MYL6: variants seen among roughly 807,000 people sequenced by gnomAD.
MYL6 encodes myosin light chain 6.
In MYL6, 20 loss-of-function variants were observed where a neutral mutation model predicts 20.3. That is an observed-to-expected ratio of 0.98 (90% CI 0.69 to 1.43). MYL6 has a LOEUF of 1.43. Ranked by LOEUF, MYL6 falls within the 40% of genes most tolerant of loss-of-function variation. The pLI is 0.00. For synonymous variants in MYL6, 77 were observed against 72.4 expected (o/e 1.06, Z -0.32); for missense variants, 164 against 191.0 (o/e 0.86, Z 0.83).
rs940595438 is a variant in MYL6, at chr12:56,160,847, G to A, written c.*16+177G>A. 26 of 675,638 alleles carry A rather than the reference G, an allele frequency of 3.8e-5. No homozygotes were observed. The Admixed American group carries it at 7.4e-4, about 19-fold the overall frequency. The allele number at this position is 675,638 out of a possible 1,614,324, so 41.9% of individuals were successfully genotyped here. ...CCTCAAAGAGGAAGACAACCTGGGGGTACAGTACCTCCTTACCTCTAGAAT... is the reference window on the plus strand; with the variant it reads ...CCTCAAAGAGGAAGACAACCTGGGGATACAGTACCTCCTTACCTCTAGAAT... On this transcript the variant is annotated intron_variant, in intron 6 of 6. Coordinates refer to ENST00000550697, the MANE Select transcript of MYL6 (RefSeq NM_021019.5).
At chr12:56,161,182 G>A in intron 6 of MYL6, 7 of 635,220 alleles carry the variant, frequency 1.1e-5, no homozygotes, top group South Asian at 1.1e-4. Flanking sequence ...AGGTTTGGGT[G>A]GGGGACTAAC....
At position 56,160,145 on chromosome 12, in the gene MYL6, C is replaced by A. The variant is rs1131230; in HGVS notation, c.346C>A (p.Leu116Met). Residue 116 changes from leucine to methionine, a missense_variant, in exon 4 of 7, where the codon CTG becomes ATG. Coordinates refer to ENST00000550697, the MANE Select transcript of MYL6 (RefSeq NM_021019.5). ...GAEIRHVLVT[L>M]GEKMTEEEVE... ...TGAAATCCGGCATGTTCTTGTCACA[C>A]TGGGTAAGGTTCTGTGTCCTTGTCC... 1 of 1,613,878 alleles carries A rather than the reference C, an allele frequency of 6.2e-7. No homozygotes were observed. The highest frequency in any genetic ancestry group is 1.7e-5 in the Admixed American group (1 of 59,994).
chr12:56,160,757 C>T (rs1871751512), intron 6 of MYL6, 87 bp downstream of exon 6: 2 of 1,405,912 alleles, frequency 1.4e-6, no homozygotes, highest in Non-Finnish European at 2.0e-6. Flanking sequence ...CTGCCCTTAC[C>T]CTACTACCAT....
intron 5 of MYL6, 102 bp downstream of exon 5, chr12:56,160,422 A>G (rs1871682990): frequency 6.5e-7 from 1 of 1,546,536 alleles, no homozygotes; most frequent in African/African-American, 1.4e-5. Flanking sequence ...CTCCAAAAAG[A>G]GCCAGGAGGC....
chr12:56,160,579 C>A, intron 5 of MYL6, 47 bp from the exon 6 acceptor site: 1 of 1,606,280 alleles, frequency 6.2e-7, no homozygotes, highest in South Asian at 1.1e-5. Context: ...CCCCTCACCC[C>A]ATGTCTTTGT....
In MYL6 at chr12:56,158,716, G is replaced by T. The variant is rs750166033; in HGVS notation, c.31+5G>T. 6.2e-7 allele frequency: 1 copy of T among 1,614,032 alleles called. No homozygotes were observed. The highest frequency in any genetic ancestry group is 1.1e-5 in the South Asian group (1 of 91,086). On this transcript the variant is annotated splice_donor_5th_base_variant and intron_variant, in intron 2 of 6. Transcript: ENST00000550697. Reference sequence around the variant, plus strand: ...TCACCGAAGACCAGACCGCAGGTAGGTTATCTCTGATCCCTACCGAGGTCA... The same window carrying T: ...TCACCGAAGACCAGACCGCAGGTAGTTTATCTCTGATCCCTACCGAGGTCA...
At chr12:56,160,560 A>C in intron 5 of MYL6, 66 bp from the exon 6 acceptor site, 1 of 1,557,410 alleles carries the variant, frequency 6.4e-7, no homozygotes, top group South Asian at 1.1e-5. Flanking sequence ...GTCTGTCCCC[A>C]CTGCCTGACC....
Position 56,158,390 on chromosome 12 carries a change from T to G in MYL6, c.-12T>G, listed in dbSNP as rs781202210. 16 of 1,521,924 alleles carry G rather than the reference T, an allele frequency of 1.1e-5. No individual in the cohort carries two copies. In the African/African-American group the frequency reaches 1.8e-4, roughly 17 times the overall value. 94.3% of individuals were successfully genotyped at this position (1,521,924 alleles called of 1,614,324 possible). The stretch of plus-strand genomic sequence containing the variant: ...ACTGCAGGAAAAGGTCCCGGAGAGC[T>G]GAGCAGTCAAGATGGTGGGGCCCAG... On this transcript the variant is annotated 5_prime_UTR_variant, in exon 1 of 7. Coordinates refer to ENST00000550697, the MANE Select transcript of MYL6 (RefSeq NM_021019.5).
chr12:56,159,608 T>C lies in MYL6; in HGVS notation c.53T>C (p.Leu18Pro), dbSNP rs781738324. The change falls in exon 3 of 7, where the codon CTG (leucine) becomes CCG (proline). Residue 18 changes from leucine (L) to proline (P), a missense_variant. Physicochemically the swap from Leu to Pro is moderately conservative, Grantham distance 98 (BLOSUM62 -3). Coordinates refer to ENST00000550697, the MANE Select transcript of MYL6 (RefSeq NM_021019.5). ...QTAEFKEAFQ[L>P]FDRTGDGKIL... ...TCAGAGTTCAAGGAGGCCTTCCAGC[T>C]GTTTGACCGAACAGGTGATGGCAAG... 2 of 1,613,818 alleles carry C rather than the reference T, an allele frequency of 1.2e-6. No homozygotes were observed. Among genetic ancestry groups the C allele is most frequent in the South Asian group, 2.2e-5 (2 of 91,068 alleles).
chr12:56,158,750 G>A, intron 2 of MYL6, 39 bp downstream of exon 2: 1 of 1,612,718 alleles, frequency 6.2e-7, no homozygotes, highest in Non-Finnish European at 8.5e-7. Context: ...CACCCTTAGG[G>A]AGAGGGACAC....
At chr12:56,160,899 C>T in intron 6 of MYL6, 1 of 596,584 alleles carries the variant, frequency 1.7e-6, no homozygotes, top group Non-Finnish European at 3.0e-6. Context: ...CTTATGCGGC[C>T]CTGGGTGCTG....
chr12:56,161,436 G>GA lies in MYL6; in HGVS notation c.*67dup, dbSNP rs1871862012. The GA allele has an allele frequency of 6.2e-7, 1 of 1,614,066 alleles. No homozygotes were observed. The highest frequency in any genetic ancestry group is 2.2e-5 in the East Asian group (1 of 44,884). ...GCTGAGGACCTTCCCAGTCTCCCCA[G>GA]AGTCCGTGCCTTTCCCTGTGTGAAT... On this transcript the variant is annotated 3_prime_UTR_variant, in exon 7 of 7. Coordinates refer to ENST00000550697, the MANE Select transcript of MYL6 (RefSeq NM_021019.5).
chr12:56,160,826 A>C, intron 6 of MYL6, 156 bp downstream of exon 6: 1 of 807,806 alleles, frequency 1.2e-6, no homozygotes, highest in South Asian at 1.7e-5. Flanking sequence ...GGGATTCCTC[A>C]AAGAGGAAGA....
rs1302638188 is a variant in MYL6 at position 56,158,868 on chromosome 12, TCTCA to T, written c.31+160_31+163del. The T allele has an allele frequency of 9.2e-5, 135 of 1,470,176 alleles. 2 individuals are homozygous for T. In the South Asian group the frequency reaches 1.5e-3, roughly 16 times the overall value. The allele number at this position is 1,470,176 out of a possible 1,614,324, so 91.1% of individuals were successfully genotyped here. On this transcript the variant is annotated intron_variant, in intron 2 of 6. Transcript: ENST00000550697. ...TTCTTCTGGATCCTCCATTTTCTTT[TCTCA>T]CTTTCTTCCTCCCTCCCCTTCCACT...
At chr12:56,161,304 T>C (rs1016546631) in intron 6 of MYL6, 83 bp from the exon 7 acceptor site, 1 of 1,543,586 alleles carries the variant, frequency 6.5e-7, no homozygotes, top group African/African-American at 1.4e-5. Flanking sequence ...TTATGCTACC[T>C]TTGCAGTCTG....
At position 56,159,567 on chromosome 12, in the gene MYL6, A is replaced by C. The variant is rs756001147; in HGVS notation, c.32-20A>C. On this transcript the variant is annotated intron_variant, in intron 2 of 6. Transcript: ENST00000550697. ...GGATTAACCCTCAAATCCTGTGTTGACATTCATCTGAATCCTCAGAGTTCA... is the reference window on the plus strand; with the variant it reads ...GGATTAACCCTCAAATCCTGTGTTGCCATTCATCTGAATCCTCAGAGTTCA... 1.9e-6 allele frequency: 3 copies of C among 1,610,934 alleles called. No individual in the cohort carries two copies. The South Asian group carries it at 3.3e-5, about 18-fold the overall frequency.
chr12:56,158,372 G>A lies in MYL6; in HGVS notation c.-30G>A, dbSNP rs1871447125. 1.3e-6 allele frequency: 2 copies of A among 1,517,446 alleles called. No individual in the cohort carries two copies. The highest frequency in any genetic ancestry group is 1.8e-6 in the Non-Finnish European group (2 of 1,135,684). The allele number at this position is 1,517,446 out of a possible 1,614,324, so 94.0% of individuals were successfully genotyped here. ...CCGAGAGTCGGAGCCATTACTGCAG[G>A]AAAAGGTCCCGGAGAGCTGAGCAGT... On this transcript the variant is annotated 5_prime_UTR_variant, in exon 1 of 7. Coordinates refer to ENST00000550697, the MANE Select transcript of MYL6 (RefSeq NM_021019.5).
chr12:56,159,623 G>A lies in MYL6; in HGVS notation c.68G>A (p.Gly23Asp). 1 of 1,614,034 alleles carries A rather than the reference G, an allele frequency of 6.2e-7. No homozygotes were observed. The highest frequency in any genetic ancestry group is 8.5e-7 in the Non-Finnish European group (1 of 1,179,996). Residue 23 changes from glycine to aspartate, a missense_variant, in exon 3 of 7, where the codon GGT (glycine) becomes GAT (aspartate). By Grantham distance (94) the Gly-to-Asp change is moderately conservative. Transcript: ENST00000550697. ...GCCTTCCAGCTGTTTGACCGAACAG[G>A]TGATGGCAAGATCCTGTACAGCCAG... ...KEAFQLFDRT[G>D]DGKILYSQCG...
intron 2 of MYL6, 115 bp downstream of exon 2, chr12:56,158,826 C>A: frequency 2.0e-6 from 3 of 1,534,526 alleles, no homozygotes; most frequent in South Asian, 1.2e-5. Flanking sequence ...TGAGATTACC[C>A]CCTGGATTAT....
Sources: gnomAD v4.1 joint callset for allele counts on GRCh38, gnomAD v4.1.1 for gene constraint, MANE v1.5 for transcripts, NCBI Gene and HGNC (gene_info 2026-07-23, HGNC 2026-07-21) for gene names.